NAV2: variants seen among roughly 807,000 people sequenced by gnomAD.
The protein encoded by NAV2 is helicase, APC down-regulated 1.
NAV2 carries 54 observed loss-of-function variants against 223.2 expected under a neutral mutation model. That is an observed-to-expected ratio of 0.24 (90% CI 0.19 to 0.30). The LOEUF is 0.30. Ranked by LOEUF, NAV2 falls within the 10% of genes least tolerant of loss-of-function variation. The pLI, the probability that NAV2 is intolerant of heterozygous loss-of-function variation, is 1.00. For missense variants in NAV2, 2,806 were observed against 3,147.5 expected (o/e 0.89, Z 2.60); for synonymous variants, 1,279 against 1,239.3 (o/e 1.03, Z -0.67).
chr11:20,033,268 C>G (rs2055969719), intron 11 of NAV2, among the ~76,000 whole-genome samples: 1 of 152,216 alleles, frequency 6.6e-6, no homozygotes, highest in South Asian at 2.1e-4. Context: ...AAGTACCCAG[C>G]ACAATGCCTG....
chr11:20,067,255 C>G (rs1418162554), intron 20 of NAV2, among the ~76,000 whole-genome samples: 1 of 152,074 alleles, frequency 6.6e-6, no homozygotes. Flanking sequence ...CCCAAACCCC[C>G]CTCACTTTGA....
chr11:19,503,923 C>T (rs983533252), intron 1 of NAV2: 3 of 152,196 alleles, frequency 2.0e-5, no homozygotes, highest in Admixed American at 6.5e-5. Context: ...ACAATCTGAT[C>T]GAGGATTGTT....
intron 1 of NAV2, among the ~76,000 whole-genome samples, chr11:19,476,102 G>GT (rs1332739005): frequency 5.9e-5 from 9 of 152,270 alleles, no homozygotes; most frequent in African/African-American, 2.2e-4. Context: ...AGCCTCCCGA[G>GT]TAGCTGGGAC....
At chr11:20,037,276 TCTTC>T (rs760965079) in intron 12 of NAV2, among the ~76,000 whole-genome samples, 1 of 128,226 alleles carries the variant, frequency 7.8e-6, no homozygotes, top group Non-Finnish European at 1.6e-5. Context: ...TTCCATAACC[TCTTC>T]CTTTCTCAGC....
chr11:19,501,815 G>A (rs1418656386), intron 1 of NAV2, among the ~76,000 whole-genome samples: 1 of 152,026 alleles, frequency 6.6e-6, no homozygotes, highest in Non-Finnish European at 1.5e-5. Flanking sequence ...ATGAGCCGGC[G>A]TCTCTTCTTT....
intron 2 of NAV2, among the ~76,000 whole-genome samples, chr11:19,836,465 G>A (rs1306553171): frequency 2.6e-5 from 4 of 151,694 alleles, no homozygotes; most frequent in African/African-American, 9.7e-5. Context: ...GCTGAGGCAG[G>A]AGAATGGCGT....
At chr11:19,714,353 G>C (rs1025104106) in intron 1 of NAV2, 6 of 483,692 alleles carry the variant, frequency 1.2e-5, no homozygotes, top group African/African-American at 1.2e-4. Context: ...CGGTTCCGCA[G>C]AGATTCTGTT....
intron 1 of NAV2, among the ~76,000 whole-genome samples, chr11:19,681,069 C>A (rs1165462892): frequency 6.6e-6 from 1 of 152,122 alleles, no homozygotes; most frequent in Non-Finnish European, 1.5e-5. Context: ...TATCATTATC[C>A]CCACTTACAG....
At chr11:19,807,354 C>G (rs1337755876) in intron 1 of NAV2, among the ~76,000 whole-genome samples, 1 of 152,342 alleles carries the variant, frequency 6.6e-6, no homozygotes, top group Non-Finnish European at 1.5e-5. Flanking sequence ...CCCCAGGGAG[C>G]TACACAGAAG....
intron 1 of NAV2, among the ~76,000 whole-genome samples, chr11:19,520,238 G>A (rs1260565159): frequency 3.3e-5 from 5 of 152,182 alleles, no homozygotes; most frequent in African/African-American, 9.7e-5. Flanking sequence ...AAACACTCAT[G>A]GGCATTTTAC....
chr11:19,455,495 C>T (rs1284705349), intron 1 of NAV2, among the ~76,000 whole-genome samples: 2 of 152,122 alleles, frequency 1.3e-5, no homozygotes, highest in Non-Finnish European at 1.5e-5. Flanking sequence ...TGTACATAAT[C>T]TCTCTCCCAT....
intron 1 of NAV2, among the ~76,000 whole-genome samples, chr11:19,540,157 G>A (rs531468333): frequency 1.2e-4 from 18 of 152,174 alleles, no homozygotes; most frequent in South Asian, 6.3e-4. Context: ...AGGGGGCCCC[G>A]CCTGCCTTCA....
At chr11:19,800,562 T>C (rs1037671970) in intron 1 of NAV2, among the ~76,000 whole-genome samples, 7 of 152,110 alleles carry the variant, frequency 4.6e-5, no homozygotes, top group Non-Finnish European at 8.8e-5. Flanking sequence ...AAAATCCAGG[T>C]TCTGAATGAA....
chr11:20,074,336 G>A (rs2059587882), intron 22 of NAV2, among the ~76,000 whole-genome samples: 1 of 152,170 alleles, frequency 6.6e-6, no homozygotes, highest in Admixed American at 6.5e-5. Context: ...ATTTGCTGAG[G>A]AGTGTTTTAC....
chr11:20,090,463 C>CTAAAAA (rs1284785735), intron 26 of NAV2, among the ~76,000 whole-genome samples: 1 of 150,962 alleles, frequency 6.6e-6, no homozygotes, highest in Admixed American at 6.6e-5. Flanking sequence ...AATCTTGTCT[C>CTAAAAA]TAAAAATAAA....
At chr11:19,837,107 T>TACA (rs2060278076) in intron 2 of NAV2, among the ~76,000 whole-genome samples, 1 of 152,190 alleles carries the variant, frequency 6.6e-6, no homozygotes, top group Non-Finnish European at 1.5e-5. Context: ...CTCCCCTTGG[T>TACA]AGTGTCATTC....
chr11:19,893,500 G>A (rs2041684075), intron 6 of NAV2, among the ~76,000 whole-genome samples: 1 of 152,074 alleles, frequency 6.6e-6, no homozygotes, highest in Non-Finnish European at 1.5e-5. Context: ...AGTGCCCCAG[G>A]GACATGGGCA....
intron 12 of NAV2, among the ~76,000 whole-genome samples, chr11:20,036,901 G>A (rs779611231): frequency 2.0e-5 from 3 of 152,158 alleles, no homozygotes; most frequent in Non-Finnish European, 4.4e-5. Flanking sequence ...CCTACTTTAA[G>A]GCTTCAGATT....
intron 1 of NAV2, among the ~76,000 whole-genome samples, chr11:19,501,257 A>C (rs964502609): frequency 1.3e-5 from 2 of 152,178 alleles, no homozygotes; most frequent in Admixed American, 1.3e-4. Context: ...CCTTAATTTT[A>C]ATTACATTTG....
Sources: gnomAD v4.1 joint callset for allele counts (sites outside exome capture counted in the v4.1 genomes callset) on GRCh38, gnomAD v4.1.1 for gene constraint, MANE v1.5 for transcripts, NCBI Gene and HGNC (gene_info 2026-07-23, HGNC 2026-07-21) for gene names.